Variants in TLE3 observed in about 807,000 individuals in gnomAD.
TLE3 encodes transducin-like enhancer protein 3.
A neutral mutation model predicts 93.0 loss-of-function variants in TLE3; 14 were observed. The observed-to-expected ratio is 0.15, with a 90% CI of 0.10 to 0.24. TLE3 has a LOEUF of 0.24. Ranked by LOEUF, TLE3 falls within the 10% of genes least tolerant of loss-of-function variation. The probability of loss-of-function intolerance (pLI) is 1.00; values close to 1 mark genes in which losing one functional copy is unlikely to be tolerated. For synonymous variants in TLE3, 451 were observed against 425.0 expected (o/e 1.06, Z -0.75); for missense variants, 693 against 1,046.6 (o/e 0.66, Z 4.66).
intron 10 of TLE3, 95 bp downstream of exon 10, chr15:70,059,315 A>C: frequency 7.0e-7 from 1 of 1,421,050 alleles, no homozygotes; most frequent in African/African-American, 1.4e-5. Context: ...GGCTGCCAGT[A>C]ATACTAGAAC....
chr15:70,053,168 G>A (rs978827236), intron 17 of TLE3, 59 bp downstream of exon 17: 1 of 1,553,122 alleles, frequency 6.4e-7, no homozygotes, highest in Non-Finnish European at 8.7e-7. Context: ...CAGCCACTGG[G>A]GCCCCGGAGG....
intron 7 of TLE3, among the ~76,000 whole-genome samples, chr15:70,065,665 G>T (rs760673856): frequency 5.3e-5 from 8 of 152,208 alleles, no homozygotes; most frequent in Non-Finnish European, 8.8e-5. Flanking sequence ...ACTCTTACAG[G>T]AACTTGAAAA....
chr15:70,056,035 A>G (rs1334329965), intron 14 of TLE3: 1 of 555,814 alleles, frequency 1.8e-6, no homozygotes, highest in Non-Finnish European at 3.2e-6. Context: ...CTTCTCTCCC[A>G]GCCCAGTGGC....
At chr15:70,080,527 G>C (rs2057719683) in intron 4 of TLE3, among the ~76,000 whole-genome samples, 1 of 152,182 alleles carries the variant, frequency 6.6e-6, no homozygotes, top group Admixed American at 6.5e-5. Context: ...TGGGCGCTGG[G>C]AGTAACATCT....
At position 70,058,349 on chromosome 15, in the gene TLE3, C is replaced by T. The variant is rs2056228075; in HGVS notation, c.919-58G>A. The T allele has an allele frequency of 9.1e-6, 14 of 1,539,568 alleles. No individual in the cohort carries two copies. Among genetic ancestry groups the T allele is most frequent in the Admixed American group, 7.9e-5 (4 of 50,472 alleles). ...ATGAGGCTTCCATTCTCCTAGGAGC[C>T]GGGCACAACTGGTGCCGGTCCCAAC... On this transcript the variant is annotated intron_variant, in intron 11 of 19. Coordinates refer to ENST00000451782, the MANE Select transcript of TLE3 (RefSeq NM_001105192.3). This position sits in a 1 kb window ranked among gnomAD's most constrained non-coding sequence, Gnocchi z 4.1.
chr15:70,076,454 C>T (rs1274239080), intron 4 of TLE3, among the ~76,000 whole-genome samples: 1 of 152,148 alleles, frequency 6.6e-6, no homozygotes, highest in Non-Finnish European at 1.5e-5. Flanking sequence ...GATGGAATCC[C>T]TAATTAAAGC....
intron 4 of TLE3, among the ~76,000 whole-genome samples, chr15:70,080,714 T>C (rs780035058): frequency 5.9e-5 from 9 of 152,230 alleles, no homozygotes; most frequent in Non-Finnish European, 1.2e-4. Flanking sequence ...CCGAGGGTAC[T>C]TGAGCATTCT....
chr15:70,082,247 G>C (rs1022893500), intron 4 of TLE3, among the ~76,000 whole-genome samples: 2 of 152,202 alleles, frequency 1.3e-5, no homozygotes, highest in African/African-American at 2.4e-5. Context: ...GTCCTTGCCA[G>C]GTAGTTTCTC....
chr15:70,086,574 T>G lies in TLE3; in HGVS notation c.234+7958A>C, dbSNP rs1013500456. Reference sequence around the variant, plus strand: ...CACTAGTGGGAAGAGCTCTTCTGCATTTGGGTCTCCACTTGAGGAAAGGGT... The same window carrying G: ...CACTAGTGGGAAGAGCTCTTCTGCAGTTGGGTCTCCACTTGAGGAAAGGGT... On this transcript the variant is annotated intron_variant, in intron 4 of 19. Coordinates refer to ENST00000451782, the MANE Select transcript of TLE3 (RefSeq NM_001105192.3). Among the ~76,000 whole-genome samples the G allele has an allele frequency of 5.7e-4, 86 of 152,186 alleles. 1 individual carries two copies. The highest frequency in any genetic ancestry group is 2.6e-4 in the Admixed American group (4 of 15,274).
chr15:70,074,402 G>A lies in TLE3; in HGVS notation c.372+131C>T. On this transcript the variant is annotated intron_variant, in intron 6 of 19. Coordinates refer to ENST00000451782, the MANE Select transcript of TLE3 (RefSeq NM_001105192.3). ...ATGGGTCCAAGCCCTTGGGGTGCTT[G>A]TAGAAGCCGGAGCCCTGGGGCCGCC... is the stretch of plus-strand genomic sequence containing the variant. 1.1e-5 allele frequency: 13 copies of A among 1,168,436 alleles called. 1 individual carries two copies. The South Asian group carries it at 1.7e-4, about 16-fold the overall frequency. The allele number at this position is 1,168,436 out of a possible 1,614,324, so 72.4% of individuals were successfully genotyped here.
At position 70,049,031 on chromosome 15, in the gene TLE3, T is replaced by A. The variant is rs561144937; in HGVS notation, c.*1066A>T. 2.0e-5 allele frequency: 3 copies of A among 151,602 alleles called. No homozygotes were observed. In the South Asian group the frequency reaches 6.3e-4, roughly 32 times the overall value. The allele number at this position is 151,602 out of a possible 1,614,324, so 9.4% of individuals were successfully genotyped here. On this transcript the variant is annotated 3_prime_UTR_variant, in exon 20 of 20. Transcript: ENST00000451782. ...AAAAAAAAAAAAGCACCCACATCAGTTGCTATTTTTCTCTGGTAGCTCCCT... is the reference window on the plus strand; with the variant it reads ...AAAAAAAAAAAAGCACCCACATCAGATGCTATTTTTCTCTGGTAGCTCCCT...
At chr15:70,090,299 G>A (rs1224690325) in intron 4 of TLE3, among the ~76,000 whole-genome samples, 4 of 152,062 alleles carry the variant, frequency 2.6e-5, no homozygotes, top group East Asian at 1.9e-4. Flanking sequence ...GCATGGGGCC[G>A]GGTGGGAGGG....
At chr15:70,088,763 A>G (rs577167231) in intron 4 of TLE3, among the ~76,000 whole-genome samples, 153 of 152,370 alleles carry the variant, frequency 1.0e-3, no homozygotes, top group African/African-American at 3.5e-3. Context: ...CAGTCATTAC[A>G]GAATTACCAA....
At chr15:70,070,462 G>C (rs903270967) in intron 6 of TLE3, among the ~76,000 whole-genome samples, 1 of 152,178 alleles carries the variant, frequency 6.6e-6, no homozygotes, top group Non-Finnish European at 1.5e-5. Context: ...CCCACCAGAG[G>C]AGTCAGACAG....
rs1475591353 is a variant in TLE3 at position 70,049,208 on chromosome 15, G to A, written c.*889C>T. 3.9e-5 allele frequency: 6 copies of A among 152,390 alleles called. No homozygotes were observed. Among genetic ancestry groups the A allele is most frequent in the Non-Finnish European group, 8.8e-5 (6 of 68,138 alleles). The allele number at this position is 152,390 out of a possible 1,614,324, so 9.4% of individuals were successfully genotyped here. ...AAGAGAAAGACCAGGCTGAGGAGGA[G>A]AGAGGGAGAGACCAAGAAAGAGAGA... On this transcript the variant is annotated 3_prime_UTR_variant, in exon 20 of 20. Coordinates refer to ENST00000451782, the MANE Select transcript of TLE3 (RefSeq NM_001105192.3).
chr15:70,054,742 A>G (rs2055861380), intron 15 of TLE3, 57 bp from the exon 16 acceptor site: 25 of 1,498,168 alleles, frequency 1.7e-5, no homozygotes, highest in Non-Finnish European at 2.0e-5. Context: ...GGGCACCAGG[A>G]GAGTCCTGTC....
chr15:70,086,432 A>G (rs912730886), intron 4 of TLE3, among the ~76,000 whole-genome samples: 1 of 152,024 alleles, frequency 6.6e-6, no homozygotes, highest in Admixed American at 6.5e-5. Context: ...GCCTCCTCCA[A>G]CCTTTTGGTC....
Position 70,058,791 on chromosome 15 carries a change from G to A in TLE3, c.790C>T (p.Pro264Ser), listed in dbSNP as rs771178632. Residue 264 changes from proline (P) to serine (S), a missense_variant, in exon 11 of 20, where the codon CCG (proline) becomes TCG (serine). Around this residue, in one of 4 missense-constraint regions of TLE3, gnomAD observed 405 missense variants for 468.9 expected, o/e 0.86. Coordinates refer to ENST00000451782, the MANE Select transcript of TLE3 (RefSeq NM_001105192.3). The surrounding 1 kb of genome is among the most constrained non-coding windows in gnomAD (Gnocchi z 4.1). ...CCATTTTCAGGAGGGGAGTGTGCCGGGCTGACCCGGGGCGTTGCGGGGTCC... is the reference window on the plus strand; with the variant it reads ...CCATTTTCAGGAGGGGAGTGTGCCGAGCTGACCCGGGGCGTTGCGGGGTCC... ...NEDPATPRVS[P>S]AHSPPENGLD... is the part of the protein sequence containing the mutation. 6.2e-7 allele frequency: 1 copy of A among 1,601,122 alleles called. No homozygotes were observed. The highest frequency in any genetic ancestry group is 8.5e-7 in the Non-Finnish European group (1 of 1,174,590).
At position 70,097,544 on chromosome 15, in the gene TLE3, A is replaced by C. The variant is rs2058620055; in HGVS notation, c.-746T>G. Reference sequence around the variant, plus strand: ...TGCAAATCAAACGCCCTGGCATCCTAAGTCCAGCGGGCACGGGAAGCCTCC... The same window carrying C: ...TGCAAATCAAACGCCCTGGCATCCTCAGTCCAGCGGGCACGGGAAGCCTCC... On this transcript the variant is annotated 5_prime_UTR_variant, in exon 1 of 20. Coordinates refer to ENST00000451782, the MANE Select transcript of TLE3 (RefSeq NM_001105192.3). 22 of 399,882 alleles carry C rather than the reference A, an allele frequency of 5.5e-5. No homozygotes were observed. The East Asian group carries it at 7.8e-4, about 14-fold the overall frequency. The allele number at this position is 399,882 out of a possible 1,614,324, so 24.8% of individuals were successfully genotyped here. A position where few individuals can be genotyped will look rare whatever the true frequency, so the allele number is the denominator to read the frequency against.
Sources: allele counts gnomAD v4.1 joint callset (sites outside exome capture counted in the v4.1 genomes callset), GRCh38; gene constraint gnomAD v4.1.1; regional missense constraint gnomAD v4.1.1; non-coding constraint Gnocchi (gnomAD v3.1); transcripts MANE v1.5; gene names NCBI Gene and HGNC (gene_info 2026-07-23, HGNC 2026-07-21).